The following CLCN1 variants were observed in gnomAD, a reference collection of about 807,000 sequenced individuals.
CLCN1 encodes chloride voltage-gated channel 1.
A neutral mutation model predicts 114.5 loss-of-function variants in CLCN1; 100 were observed. The observed-to-expected ratio is 0.87, with a 90% CI of 0.74 to 1.03. The LOEUF (loss-of-function observed/expected upper bound fraction) is 1.03. Among genes scored for constraint, CLCN1 ranks in the 50% least tolerant of loss-of-function variants. CLCN1 has a pLI of 0.00. For synonymous variants in CLCN1, 485 were observed against 487.1 expected (o/e 1.00, Z 0.06); for missense variants, 1,188 against 1,250.0 (o/e 0.95, Z 0.75).
chr7:143,324,850 C>T lies in CLCN1; in HGVS notation c.853+358C>T, dbSNP rs931698098. Among the ~76,000 whole-genome samples, 51 of 152,256 alleles carry T rather than the reference C, an allele frequency of 3.3e-4. No homozygotes were observed. Among genetic ancestry groups the T allele is most frequent in the African/African-American group, 1.2e-3 (48 of 41,550 alleles). ...GTTTGTATTGTTGGATGTTTTTGCC[C>T]TACACCGATGACATCTCTAACAGGG... On this transcript the variant is annotated intron_variant, in intron 7 of 22. Transcript: ENST00000343257. This position sits in a 1 kb window ranked among gnomAD's most constrained non-coding sequence, Gnocchi z 4.6.
rs746212684 is a variant in CLCN1 at position 143,330,875 on chromosome 7, G to A, written c.957G>A (p.Leu319=). 3.5e-5 allele frequency: 57 copies of A among 1,614,070 alleles called. No individual in the cohort carries two copies. Among genetic ancestry groups the A allele is most frequent in the Non-Finnish European group, 4.6e-5 (54 of 1,180,054 alleles). The change falls in exon 8 of 23, where the codon CTG becomes CTA. Residue 319 remains leucine (L), a synonymous_variant. Transcript: ENST00000343257. ...TCAGCGCCTTTGTGTTTCGAGTGCTGGCAGTGTGGAACAAGGATGCTGGTA... is the reference window on the plus strand; with the variant it reads ...TCAGCGCCTTTGTGTTTCGAGTGCTAGCAGTGTGGAACAAGGATGCTGGTA... ...ATFSAFVFRV[L]AVWNKDAVTI...
At chr7:143,330,279 A>G (rs1457213547) in intron 7 of CLCN1, among the ~76,000 whole-genome samples, 1 of 152,116 alleles carries the variant, frequency 6.6e-6, no homozygotes, top group Non-Finnish European at 1.5e-5. Flanking sequence ...CCCAGGGTAC[A>G]TGGTATATGT....
intron 5 of CLCN1, among the ~76,000 whole-genome samples, chr7:143,322,376 G>T (rs186389071): frequency 1.1e-4 from 17 of 152,190 alleles, no homozygotes; most frequent in African/African-American, 3.9e-4. Context: ...GCCTCCTTCC[G>T]TTCTCTGCTG....
rs747384481 is a variant in CLCN1, at chr7:143,339,208, T to C, written c.1402-45T>C. ...GAAGGGAATTGTGTGTGCATGTCTA[T>C]TGGGCAGAGTTGAAAGGGTATTCCA... is the stretch of plus-strand genomic sequence containing the variant. On this transcript the variant is annotated intron_variant, in intron 12 of 22. Coordinates refer to ENST00000343257, the MANE Select transcript of CLCN1 (RefSeq NM_000083.3). The surrounding 1 kb of genome is among the most constrained non-coding windows in gnomAD (Gnocchi z 4.1). 4 of 1,239,386 alleles carry C rather than the reference T, an allele frequency of 3.2e-6. No individual in the cohort carries two copies. The highest frequency in any genetic ancestry group is 4.8e-6 in the Non-Finnish European group (4 of 838,506). The allele number at this position is 1,239,386 out of a possible 1,614,324, so 76.8% of individuals were successfully genotyped here.
At position 143,323,339 on chromosome 7, in the gene CLCN1, G is replaced by A; in HGVS notation, c.727G>A (p.Ala243Thr). The stretch of plus-strand genomic sequence containing the variant: ...CTTCGTCCACATTGCCAGCATCTGT[G>A]CTGCTGTCCTCAGCAAATTCATGTC... Reference protein sequence around the residue: ...GPFVHIASICAAVLSKFMSVF... With the variant: ...GPFVHIASICTAVLSKFMSVF... The change falls in exon 6 of 23, where the codon GCT becomes ACT. Residue 243 changes from alanine (A) to threonine (T), a missense_variant. Ala to Thr is a moderately conservative substitution (Grantham distance 58, BLOSUM62 0). Coordinates refer to ENST00000343257, the MANE Select transcript of CLCN1 (RefSeq NM_000083.3). The A allele has an allele frequency of 1.2e-6, 2 of 1,613,808 alleles. No individual in the cohort carries two copies. Among genetic ancestry groups the A allele is most frequent in the Non-Finnish European group, 1.7e-6 (2 of 1,179,828 alleles).
intron 16 of CLCN1, 55 bp from the exon 17 acceptor site, chr7:143,345,465 CG>C: frequency 6.7e-7 from 1 of 1,481,702 alleles, no homozygotes; most frequent in South Asian, 1.3e-5. Flanking sequence ...GTGCGGAGCG[CG>C]GTGGTGCGAG....
chr7:143,316,573 G>T (rs1802297383), intron 1 of CLCN1, among the ~76,000 whole-genome samples, 181 bp downstream of exon 1: 1 of 152,236 alleles, frequency 6.6e-6, no homozygotes, highest in African/African-American at 2.4e-5. Context: ...GCTCACTTAA[G>T]TATGCACTTA....
chr7:143,341,351 G>A (rs1181248509), intron 14 of CLCN1, among the ~76,000 whole-genome samples: 1 of 152,106 alleles, frequency 6.6e-6, no homozygotes, highest in Admixed American at 6.5e-5. Context: ...TTGAGGCCAG[G>A]AATTCGAGAC....
intron 20 of CLCN1, among the ~76,000 whole-genome samples, chr7:143,349,614 T>C (rs73172437): frequency 0.018 from 2,672 of 152,330 alleles, 46 homozygotes; most frequent in African/African-American, 0.031. Flanking sequence ...GCTTCTGTCA[T>C]AGACAAAAAC....
In CLCN1 at chr7:143,323,741, T is replaced by A. The variant is rs374097106; in HGVS notation, c.774+355T>A. 40 of 494,432 alleles carry A rather than the reference T, an allele frequency of 8.1e-5. 1 individual carries two copies. The East Asian group carries it at 2.3e-3, about 29-fold the overall frequency. The allele number at this position is 494,432 out of a possible 1,614,324, so 30.6% of individuals were successfully genotyped here. A position where few individuals can be genotyped will look rare whatever the true frequency, so the allele number is the denominator to read the frequency against. On this transcript the variant is annotated intron_variant, in intron 6 of 22. Coordinates refer to ENST00000343257, the MANE Select transcript of CLCN1 (RefSeq NM_000083.3). ...TCCCCCATCCCTTTGTAGCTCCCAA[T>A]CCCTCACCCTACCTCTTACATACGT...
At chr7:143,334,159 G>A (rs941114867) in intron 12 of CLCN1, among the ~76,000 whole-genome samples, 1 of 151,784 alleles carries the variant, frequency 6.6e-6, no homozygotes, top group African/African-American at 2.4e-5. Context: ...GTTGCAGTGA[G>A]CCAAGATTGT....
At position 143,319,828 on chromosome 7, in the gene CLCN1, G is replaced by A; in HGVS notation, c.254G>A (p.Ser85Asn). The A allele has an allele frequency of 6.2e-7, 1 of 1,613,908 alleles. No individual in the cohort carries two copies. The highest frequency in any genetic ancestry group is 1.7e-5 in the Admixed American group (1 of 60,026). Reference sequence around the variant, plus strand: ...GGGATGCCCAAGAAGACAGGCTCCAGTTCTACCGTGGACAGCAAGGATGAG... The same window carrying A: ...GGGATGCCCAAGAAGACAGGCTCCAATTCTACCGTGGACAGCAAGGATGAG... ...DIGMPKKTGS[S>N]STVDSKDEDH... The change falls in exon 2 of 23, where the codon AGT becomes AAT. Residue 85 changes from serine to asparagine, a missense_variant. Physicochemically the swap from Ser to Asn is conservative, Grantham distance 46. Transcript: ENST00000343257.
chr7:143,319,843 G>T lies in CLCN1; in HGVS notation c.269G>T (p.Ser90Ile). The T allele has an allele frequency of 6.2e-7, 1 of 1,613,874 alleles. No individual in the cohort carries two copies. Among genetic ancestry groups the T allele is most frequent in the Non-Finnish European group, 8.5e-7 (1 of 1,179,754 alleles). Reference protein sequence around the residue: ...KKTGSSSTVDSKDEDHYSKCQ... With the variant: ...KKTGSSSTVDIKDEDHYSKCQ... ...ACAGGCTCCAGTTCTACCGTGGACAGCAAGGATGAGGATCACTATTCTAAA... is the reference window on the plus strand; with the variant it reads ...ACAGGCTCCAGTTCTACCGTGGACATCAAGGATGAGGATCACTATTCTAAA... The change falls in exon 2 of 23, where the codon AGC (serine) becomes ATC (isoleucine). Residue 90 changes from serine (S) to isoleucine (I), a missense_variant. Transcript: ENST00000343257.
At chr7:143,332,607 C>T in intron 11 of CLCN1, 104 bp downstream of exon 11, 1 of 1,523,218 alleles carries the variant, frequency 6.6e-7, no homozygotes, top group Admixed American at 1.7e-5. Flanking sequence ...TCTAGATTCT[C>T]CCTGAGAAAA....
chr7:143,321,943 C>A lies in CLCN1; in HGVS notation c.696+95C>A. The A allele has an allele frequency of 1.4e-6, 2 of 1,426,950 alleles. No homozygotes were observed. Among genetic ancestry groups the A allele is most frequent in the Non-Finnish European group, 9.6e-7 (1 of 1,043,640 alleles). 88.4% of individuals were successfully genotyped at this position (1,426,950 alleles called of 1,614,324 possible). A position where few individuals can be genotyped will look rare whatever the true frequency, so the allele number is the denominator to read the frequency against. ...GGGAGCTCTGGGAGTGGAAGTGGAT[C>A]AGGGGACAGGACCAAGGCCAGGGCC... On this transcript the variant is annotated intron_variant, in intron 5 of 22. Transcript: ENST00000343257. The surrounding 1 kb of genome is among the most constrained non-coding windows in gnomAD (Gnocchi z 4.2).
chr7:143,346,161 C>T lies in CLCN1; in HGVS notation c.2194C>T (p.His732Tyr), dbSNP rs1308324341. 6.2e-7 allele frequency: 1 copy of T among 1,611,856 alleles called. No homozygotes were observed. The change falls in exon 18 of 23, where the codon CAC becomes TAC. Residue 732 changes from histidine (H) to tyrosine (Y), a missense_variant. Coordinates refer to ENST00000343257, the MANE Select transcript of CLCN1 (RefSeq NM_000083.3). Reference sequence around the variant, plus strand: ...ACAGCTTCCTCCTTCCCTTGCTCTCCACCCCTCTACTACTGCCCCTCTGTC... The same window carrying T: ...ACAGCTTCCTCCTTCCCTTGCTCTCTACCCCTCTACTACTGCCCCTCTGTC... ...KSELPPSLALHPSTTAPLSPE... is the reference protein window; with the variant it reads ...KSELPPSLALYPSTTAPLSPE...
chr7:143,336,039 T>C (rs1433079721), intron 12 of CLCN1, among the ~76,000 whole-genome samples: 2 of 152,174 alleles, frequency 1.3e-5, no homozygotes, highest in Non-Finnish European at 2.9e-5. Context: ...CATTACATTA[T>C]ACATCAAGAG....
At position 143,339,455 on chromosome 7, in the gene CLCN1, T is replaced by C. The variant is rs6464542; in HGVS notation, c.1472-56T>C. The C allele has an allele frequency of 2.3e-5, 33 of 1,466,176 alleles. No individual in the cohort carries two copies. Among genetic ancestry groups the C allele is most frequent in the Non-Finnish European group, 3.2e-5 (33 of 1,045,684 alleles). The allele number at this position is 1,466,176 out of a possible 1,614,324, so 90.8% of individuals were successfully genotyped here. ...CCAAGGAGAGATTGGTTCTGAAAAC[T>C]GAGAGCAAGGAACTTGGATCTCGTA... On this transcript the variant is annotated intron_variant, in intron 13 of 22. Transcript: ENST00000343257. The surrounding 1 kb of genome is among the most constrained non-coding windows in gnomAD (Gnocchi z 4.1).
intron 12 of CLCN1, among the ~76,000 whole-genome samples, chr7:143,337,256 C>A (rs1802928616): frequency 6.6e-6 from 1 of 152,214 alleles, no homozygotes; most frequent in African/African-American, 2.4e-5. Flanking sequence ...TAGCTACACC[C>A]TTCCTACATT....
Sources: allele counts gnomAD v4.1 joint callset (sites outside exome capture counted in the v4.1 genomes callset), GRCh38; gene constraint gnomAD v4.1.1; non-coding constraint Gnocchi (gnomAD v3.1); transcripts MANE v1.5; gene names NCBI Gene and HGNC (gene_info 2026-07-23, HGNC 2026-07-21).